The following CNTNAP5 variants were observed in gnomAD, a reference collection of about 807,000 sequenced individuals.
CNTNAP5 encodes the protein contactin-associated protein-like 5.
Under a neutral mutation model 150.2 loss-of-function variants are expected in CNTNAP5, and 72 were observed. The observed-to-expected ratio is 0.48, with a 90% confidence interval of 0.40 to 0.58. The LOEUF (loss-of-function observed/expected upper bound fraction) is 0.58, where lower values mean the gene tolerates loss of function less well. Among genes scored for constraint, CNTNAP5 ranks in the 20% least tolerant of loss-of-function variants. The pLI, the probability that CNTNAP5 is intolerant of heterozygous loss-of-function variation, is 0.00. For synonymous variants in CNTNAP5, 672 were observed against 619.8 expected (o/e 1.08, Z -1.25); for missense variants, 1,636 against 1,626.2 (o/e 1.01, Z -0.10).
intron 1 of CNTNAP5, 105 bp from the exon 2 acceptor site, chr2:124,221,600 G>A: frequency 1.3e-6 from 1 of 745,882 alleles, no homozygotes. Flanking sequence ...GTTCAGAGCA[G>A]GTGGTTAATA....
intron 6 of CNTNAP5, among the ~76,000 whole-genome samples, chr2:124,470,879 G>A (rs866109437): frequency 6.6e-6 from 1 of 152,124 alleles, no homozygotes; most frequent in African/African-American, 2.4e-5. Flanking sequence ...GATGATTGTA[G>A]GTGTGTGGTC....
chr2:124,417,577 C>T lies in CNTNAP5; in HGVS notation c.516C>T (p.Tyr172=), dbSNP rs368252422. 54 of 1,613,142 alleles carry T rather than the reference C, an allele frequency of 3.3e-5. No individual in the cohort carries two copies. The highest frequency in any genetic ancestry group is 1.1e-4 in the East Asian group (5 of 44,870). The part of the protein sequence containing the change: ...SGKIGMRVEV[Y]GCSYKSDVAD... ...AGATTGGCATGAGAGTCGAGGTCTA[C>T]GGATGTTCCTATAGTAAGTACTCAC... The change falls in exon 4 of 24, where the codon TAC becomes TAT. Residue 172 remains tyrosine (Y), a synonymous_variant. Transcript: ENST00000682447.
chr2:124,283,945 A>C (rs1688083543), intron 3 of CNTNAP5, among the ~76,000 whole-genome samples: 1 of 152,204 alleles, frequency 6.6e-6, no homozygotes, highest in Admixed American at 6.5e-5. Flanking sequence ...ATTATGTTTC[A>C]ACATGTCAGT....
At chr2:124,618,923 C>T (rs1037266792) in intron 12 of CNTNAP5, among the ~76,000 whole-genome samples, 2 of 152,082 alleles carry the variant, frequency 1.3e-5, no homozygotes, top group Non-Finnish European at 2.9e-5. Flanking sequence ...GGTTAAATGG[C>T]ACTAAGGTTA....
chr2:124,636,399 G>T (rs1170243223), intron 12 of CNTNAP5, among the ~76,000 whole-genome samples: 3 of 152,014 alleles, frequency 2.0e-5, no homozygotes. Flanking sequence ...TATAGACTCT[G>T]GTTTCTTGGT....
intron 1 of CNTNAP5, among the ~76,000 whole-genome samples, chr2:124,116,597 G>C (rs1288012435): frequency 1.3e-5 from 2 of 152,152 alleles, no homozygotes; most frequent in Non-Finnish European, 2.9e-5. Flanking sequence ...GCTGGGCCAT[G>C]GTGATTGGGC....
At chr2:124,838,940 C>A (rs562980265) in intron 19 of CNTNAP5, among the ~76,000 whole-genome samples, 2 of 152,106 alleles carry the variant, frequency 1.3e-5, no homozygotes, top group African/African-American at 2.4e-5. Flanking sequence ...AACAGAATCT[C>A]TGTCTTCCCA....
At chr2:124,543,241 A>G (rs1695430922) in intron 10 of CNTNAP5, among the ~76,000 whole-genome samples, 1 of 152,206 alleles carries the variant, frequency 6.6e-6, no homozygotes. Flanking sequence ...TATTTGAGCA[A>G]TGTAGTCTAT....
chr2:124,526,830 C>T (rs775384329), intron 9 of CNTNAP5, among the ~76,000 whole-genome samples: 1 of 152,120 alleles, frequency 6.6e-6, no homozygotes, highest in African/African-American at 2.4e-5. Flanking sequence ...ATTAACCAGA[C>T]AATTACTCTG....
chr2:124,788,048 G>GCTTTC (rs1322436054), intron 17 of CNTNAP5, among the ~76,000 whole-genome samples: 1 of 152,134 alleles, frequency 6.6e-6, no homozygotes, highest in Non-Finnish European at 1.5e-5. Flanking sequence ...CCTGTGTGTG[G>GCTTTC]CTTTCACTCA....
intron 6 of CNTNAP5, among the ~76,000 whole-genome samples, chr2:124,460,344 C>T (rs1479506863): frequency 6.6e-6 from 1 of 152,132 alleles, no homozygotes; most frequent in African/African-American, 2.4e-5. Context: ...TAAGAAGAAA[C>T]TGAGGCAGTA....
intron 7 of CNTNAP5, among the ~76,000 whole-genome samples, chr2:124,501,872 C>A (rs1694286587): frequency 6.6e-6 from 1 of 152,132 alleles, no homozygotes; most frequent in Non-Finnish European, 1.5e-5. Context: ...CACATATTTT[C>A]TCTCCTACTT....
chr2:124,027,180 T>A (rs1680914852), intron 1 of CNTNAP5, among the ~76,000 whole-genome samples: 1 of 151,924 alleles, frequency 6.6e-6, no homozygotes, highest in Admixed American at 6.5e-5. Context: ...TACTTCTTCA[T>A]CTCATTCTCT....
chr2:124,313,819 C>G (rs1256202379), intron 3 of CNTNAP5, among the ~76,000 whole-genome samples: 1 of 152,114 alleles, frequency 6.6e-6, no homozygotes, highest in African/African-American at 2.4e-5. Context: ...GCGAGGGATA[C>G]CAGAAACCTT....
At position 124,148,313 on chromosome 2, in the gene CNTNAP5, G is replaced by GA. The variant is rs1471703014; in HGVS notation, c.83-73384dup. On this transcript the variant is annotated intron_variant, in intron 1 of 23. Transcript: ENST00000682447. Reference sequence around the variant, plus strand: ...GACCCCCTCTAAAAAAAAAAAGAAAGAAAAAAAAGAAAATATTCTCATTTA... The same window carrying GA: ...GACCCCCTCTAAAAAAAAAAAGAAAGAAAAAAAAAGAAAATATTCTCATTTA... Among the ~76,000 whole-genome samples, 5 of 149,410 alleles carry GA rather than the reference G, an allele frequency of 3.3e-5. No individual in the cohort carries two copies. The East Asian group carries it at 5.9e-4, about 18-fold the overall frequency.
chr2:124,242,536 A>G (rs925384962), intron 3 of CNTNAP5, 143 bp downstream of exon 3: 2 of 773,116 alleles, frequency 2.6e-6, no homozygotes, highest in Non-Finnish European at 4.1e-6. Context: ...GACAATTTTT[A>G]AGGCCCATGC....
In CNTNAP5 at chr2:124,122,842, G is replaced by A. The variant is rs538323282; in HGVS notation, c.82+97110G>A. 3.3e-5 allele frequency among the ~76,000 whole-genome samples: 5 copies of A among 151,386 alleles called. No homozygotes were observed. In the South Asian group the frequency reaches 1.0e-3, roughly 32 times the overall value. On this transcript the variant is annotated intron_variant, in intron 1 of 23. Coordinates refer to ENST00000682447, the MANE Select transcript of CNTNAP5 (RefSeq NM_001367498.1). ...GGAGCAGATTGCTTTTGGAACTGAG[G>A]GCTCTTTGACACCCATGTCAGTGCC...
At chr2:124,411,553 G>C (rs1157528746) in intron 3 of CNTNAP5, among the ~76,000 whole-genome samples, 1 of 144,762 alleles carries the variant, frequency 6.9e-6, no homozygotes, top group Admixed American at 6.9e-5. Context: ...CTTCATCCCT[G>C]GGATGCAAGG....
At chr2:124,033,062 G>A (rs1681108280) in intron 1 of CNTNAP5, among the ~76,000 whole-genome samples, 1 of 152,132 alleles carries the variant, frequency 6.6e-6, no homozygotes, top group African/African-American at 2.4e-5. Context: ...GGGAAGTTGG[G>A]TGTGCTACGC....
Sources: allele counts gnomAD v4.1 joint callset (sites outside exome capture counted in the v4.1 genomes callset), GRCh38; gene constraint gnomAD v4.1.1; transcripts MANE v1.5; gene names NCBI Gene and HGNC (gene_info 2026-07-23, HGNC 2026-07-21).